RBMS3: variants seen among roughly 807,000 people sequenced by gnomAD.
RBMS3 encodes RNA-binding motif, single-stranded-interacting protein 3.
Under a neutral mutation model 66.8 loss-of-function variants are expected in RBMS3, and 27 were observed. The ratio of observed to expected loss-of-function variants is 0.40; its 90% CI spans 0.30 to 0.56. The LOEUF is 0.56. Ranked by LOEUF, RBMS3 falls within the 20% of genes least tolerant of loss-of-function variation. The pLI is 0.40. For synonymous variants in RBMS3, 188 were observed against 183.0 expected (o/e 1.03, Z -0.22); for missense variants, 513 against 549.5 (o/e 0.93, Z 0.66).
At position 30,004,756 on chromosome 3, in the gene RBMS3, G is replaced by A. The variant is rs1200403111; in HGVS notation, c.*894G>A. The A allele has an allele frequency of 6.6e-6, 1 of 152,130 alleles. No homozygotes were observed. The highest frequency in any genetic ancestry group is 2.4e-5 in the African/African-American group (1 of 41,348). The allele number at this position is 152,130 out of a possible 1,614,324, so 9.4% of individuals were successfully genotyped here. On this transcript the variant is annotated 3_prime_UTR_variant, in exon 15 of 15. Coordinates refer to ENST00000383767, the MANE Select transcript of RBMS3 (RefSeq NM_001003793.3). ...ATGCGTGTTTGGGGGGCAGAATGCAGATTTTTTTAATTTACAAAGCGTGAT... is the reference window on the plus strand; with the variant it reads ...ATGCGTGTTTGGGGGGCAGAATGCAAATTTTTTTAATTTACAAAGCGTGAT...
chr3:29,347,539 G>A (rs1249834965), intron 1 of RBMS3, among the ~76,000 whole-genome samples: 1 of 152,090 alleles, frequency 6.6e-6, no homozygotes, highest in African/African-American at 2.4e-5. Flanking sequence ...GTGCATTCGC[G>A]ATGGGGGGAA....
At chr3:29,886,643 T>C (rs2059878062) in intron 8 of RBMS3, among the ~76,000 whole-genome samples, 1 of 151,872 alleles carries the variant, frequency 6.6e-6, no homozygotes, top group African/African-American at 2.4e-5. Flanking sequence ...AAAGTTTTTT[T>C]GTTGTCAGAT....
intron 4 of RBMS3, among the ~76,000 whole-genome samples, chr3:29,738,760 C>A (rs1430416852): frequency 6.6e-6 from 1 of 152,116 alleles, no homozygotes; most frequent in Non-Finnish European, 1.5e-5. Context: ...ATTGTGTTTC[C>A]AATAAGTTCC....
chr3:29,648,395 C>A (rs2050022449), intron 4 of RBMS3, among the ~76,000 whole-genome samples: 1 of 151,178 alleles, frequency 6.6e-6, no homozygotes, highest in African/African-American at 2.4e-5. Context: ...CCTCAGACCC[C>A]CGGAGTAGCT....
intron 6 of RBMS3, among the ~76,000 whole-genome samples, chr3:29,830,672 T>C (rs2058348847): frequency 6.6e-6 from 1 of 152,188 alleles, no homozygotes; most frequent in Non-Finnish European, 1.5e-5. Context: ...TTTTTATTTC[T>C]GTAAATTTAA....
intron 4 of RBMS3, among the ~76,000 whole-genome samples, chr3:29,593,097 T>G (rs1258763735): frequency 6.6e-6 from 1 of 151,984 alleles, no homozygotes; most frequent in Admixed American, 6.6e-5. Context: ...CACACGAACA[T>G]GGCACATGTA....
intron 4 of RBMS3, among the ~76,000 whole-genome samples, chr3:29,619,692 A>G (rs578041570): frequency 3.0e-4 from 46 of 152,294 alleles, no homozygotes; most frequent in African/African-American, 1.1e-3. Flanking sequence ...ATTCAGTTGA[A>G]CATTCCAAAA....
intron 14 of RBMS3, among the ~76,000 whole-genome samples, chr3:29,994,484 GAC>G (rs1379558702): frequency 6.6e-6 from 1 of 152,222 alleles, no homozygotes; most frequent in African/African-American, 2.4e-5. Context: ...ACAGGGCACA[GAC>G]AAACAAAAAG....
At chr3:29,488,313 G>A in intron 2 of RBMS3, 128 bp from the exon 3 acceptor site, 1 of 651,998 alleles carries the variant, frequency 1.5e-6, no homozygotes, top group Non-Finnish European at 2.6e-6. Flanking sequence ...GGTGTGAAAT[G>A]GGAATCCAGA....
At chr3:29,787,826 A>C (rs1197194552) in intron 6 of RBMS3, among the ~76,000 whole-genome samples, 1 of 152,140 alleles carries the variant, frequency 6.6e-6, no homozygotes, top group Non-Finnish European at 1.5e-5. Flanking sequence ...GTTACCCCAA[A>C]ACCTACTGAA....
intron 3 of RBMS3, among the ~76,000 whole-genome samples, chr3:29,548,713 A>G (rs976454385): frequency 6.6e-6 from 1 of 152,034 alleles, no homozygotes; most frequent in Non-Finnish European, 1.5e-5. Context: ...GCTTCAAGTC[A>G]CCAGTGCATG....
chr3:29,575,182 T>G (rs1284806309), intron 3 of RBMS3, among the ~76,000 whole-genome samples: 2 of 152,332 alleles, frequency 1.3e-5, no homozygotes, highest in African/African-American at 4.8e-5. Context: ...GCAGGTCTGG[T>G]GTTGATAAAA....
chr3:29,714,132 A>T (rs1054109336), intron 4 of RBMS3, among the ~76,000 whole-genome samples: 1 of 140,852 alleles, frequency 7.1e-6, no homozygotes, highest in African/African-American at 2.7e-5. Flanking sequence ...ATAAGCCAGG[A>T]TCTCTTCTAG....
intron 7 of RBMS3, among the ~76,000 whole-genome samples, chr3:29,873,647 G>A (rs868852875): frequency 6.6e-6 from 1 of 152,080 alleles, no homozygotes. Flanking sequence ...TTGAGAGAGG[G>A]CATCCTTGTC....
chr3:29,301,538 G>T (rs1002182884), intron 1 of RBMS3, among the ~76,000 whole-genome samples: 1 of 151,974 alleles, frequency 6.6e-6, no homozygotes, highest in Non-Finnish European at 1.5e-5. Flanking sequence ...TTCCTGTTTT[G>T]CTCTAATGAT....
At chr3:29,553,267 A>C (rs879787243) in intron 3 of RBMS3, among the ~76,000 whole-genome samples, 1 of 152,196 alleles carries the variant, frequency 6.6e-6, no homozygotes, top group Admixed American at 6.5e-5. Context: ...GTTTCCTGGG[A>C]AACAGGCTAC....
At chr3:29,997,517 CAATAAAATACTG>C (rs1699325194) in intron 14 of RBMS3, among the ~76,000 whole-genome samples, 1 of 149,822 alleles carries the variant, frequency 6.7e-6, no homozygotes. Context: ...CAAAAATCCT[CAATAAAATACTG>C]GCAAAACGAA....
At chr3:29,476,992 C>A (rs1290697821) in intron 2 of RBMS3, among the ~76,000 whole-genome samples, 1 of 152,140 alleles carries the variant, frequency 6.6e-6, no homozygotes, top group African/African-American at 2.4e-5. Context: ...GTATTAGGTA[C>A]TTATTCATAG....
intron 1 of RBMS3, among the ~76,000 whole-genome samples, chr3:29,348,330 T>C (rs1484763630): frequency 6.6e-6 from 1 of 152,196 alleles, no homozygotes; most frequent in African/African-American, 2.4e-5. Flanking sequence ...CAAATTTATC[T>C]CTAAAACTTT....
Sources: allele counts gnomAD v4.1 joint callset (sites outside exome capture counted in the v4.1 genomes callset), GRCh38; gene constraint gnomAD v4.1.1; transcripts MANE v1.5; gene names NCBI Gene and HGNC (gene_info 2026-07-23, HGNC 2026-07-21).